The following KCNN2 variants were observed in gnomAD, a reference collection of about 807,000 sequenced individuals.
KCNN2 encodes potassium calcium-activated channel subfamily N member 2, also known as small conductance calcium-activated potassium channel protein 2.
A neutral mutation model predicts 55.5 loss-of-function variants in KCNN2; 24 were observed. That is an observed-to-expected ratio of 0.43 (90% CI 0.31 to 0.61). The LOEUF is 0.61. Ranked by LOEUF, KCNN2 falls within the 20% of genes least tolerant of loss-of-function variation. KCNN2 has a pLI of 0.08. For synonymous variants in KCNN2, 431 were observed against 336.1 expected, an observed-to-expected ratio of 1.28 and a Z score of -3.09; for missense variants, 754 against 853.6, an observed-to-expected ratio of 0.88 and a Z score of 1.45.
At chr5:114,168,153 T>A (rs981094250) in intron 1 of KCNN2, among the ~76,000 whole-genome samples, 9 of 130,020 alleles carry the variant, frequency 6.9e-5, no homozygotes, top group African/African-American at 2.3e-4. Flanking sequence ...AGATATATAA[T>A]CATATATATG....
chr5:114,098,228 C>A (rs147506408), intron 1 of KCNN2, among the ~76,000 whole-genome samples: 112 of 152,194 alleles, frequency 7.4e-4, no homozygotes, highest in South Asian at 1.7e-3. Flanking sequence ...TCTCAAGGTT[C>A]TTCACTTAAT....
chr5:114,106,973 C>G (rs566319425), intron 1 of KCNN2, among the ~76,000 whole-genome samples: 1 of 151,958 alleles, frequency 6.6e-6, no homozygotes, highest in Non-Finnish European at 1.5e-5. Flanking sequence ...AAGATATTCT[C>G]CTATTCAATC....
chr5:114,273,414 A>G (rs1036541323), intron 2 of KCNN2, among the ~76,000 whole-genome samples: 2 of 152,160 alleles, frequency 1.3e-5, no homozygotes, highest in African/African-American at 4.8e-5. Flanking sequence ...TGGTAATTCT[A>G]GTTCTAAATC....
intron 1 of KCNN2, among the ~76,000 whole-genome samples, chr5:114,138,527 T>A (rs920234458): frequency 6.6e-6 from 1 of 152,178 alleles, no homozygotes; most frequent in African/African-American, 2.4e-5. Context: ...ATCACAGATT[T>A]AGAAACCACT....
intron 2 of KCNN2, among the ~76,000 whole-genome samples, chr5:114,222,728 T>C (rs1324362008): frequency 1.3e-5 from 2 of 152,166 alleles, no homozygotes; most frequent in African/African-American, 4.8e-5. Flanking sequence ...GAGACATTAA[T>C]GTTAAAAGTT....
At chr5:114,244,701 C>T (rs1374514091) in intron 2 of KCNN2, among the ~76,000 whole-genome samples, 1 of 151,958 alleles carries the variant, frequency 6.6e-6, no homozygotes, top group East Asian at 1.9e-4. Context: ...AGACAGTAGT[C>T]CATCTGTGTT....
rs10658266 is a variant in KCNN2 at position 114,232,925 on chromosome 5, G to GTTTTTTTTTTTTTTTTTTT, written c.-185+11373_-185+11374insTTTTTTTTTTTTTTTTTTT. On this transcript the variant is annotated intron_variant, in intron 2 of 10. Transcript: ENST00000512097. Reference sequence around the variant, plus strand: ...GAGGTAATTTTTTATATTGTTTCTTGTTTTTTTTTTTTTGAGACGGAGTCT... The same window carrying GTTTTTTTTTTTTTTTTTTT: ...GAGGTAATTTTTTATATTGTTTCTTGTTTTTTTTTTTTTTTTTTTTTTTTTTTTTTTTGAGACGGAGTCT... Among the ~76,000 whole-genome samples, 59 of 76,274 alleles carry GTTTTTTTTTTTTTTTTTTT rather than the reference G, an allele frequency of 7.7e-4. 5 individuals carry two copies. Among genetic ancestry groups the GTTTTTTTTTTTTTTTTTTT allele is most frequent in the Non-Finnish European group, 1.1e-3 (46 of 40,818 alleles). The allele number at this position is 76,274 out of a possible 152,430, so 50.0% of individuals were successfully genotyped here.
rs76097025 is a variant in KCNN2, at chr5:114,207,817, C to T, written c.-270-13663C>T. Among the ~76,000 whole-genome samples, 421 of 152,284 alleles carry T rather than the reference C, an allele frequency of 2.8e-3. 3 individuals are homozygous for T. The highest frequency in any genetic ancestry group is 9.2e-3 in the African/African-American group (384 of 41,550). ...ACCTAGTACACCAAAGTTGTCCAGCCCTTTACATGCCGAGAGACATGTTGG... is the reference window on the plus strand; with the variant it reads ...ACCTAGTACACCAAAGTTGTCCAGCTCTTTACATGCCGAGAGACATGTTGG... On this transcript the variant is annotated intron_variant, in intron 1 of 10. Coordinates refer to the KCNN2 transcript ENST00000512097.
chr5:114,472,009 A>G (rs923164133), intron 4 of KCNN2, among the ~76,000 whole-genome samples: 1 of 151,990 alleles, frequency 6.6e-6, no homozygotes, highest in South Asian at 2.1e-4. Context: ...TGCCATTTAC[A>G]TTGTTATCTG....
intron 4 of KCNN2, 145 bp downstream of exon 4, chr5:114,463,335 G>T: frequency 1.7e-6 from 1 of 598,026 alleles, no homozygotes; most frequent in Middle Eastern, 4.6e-4. Flanking sequence ...TGTGTTGAGA[G>T]AGAATGTCAA....
At chr5:114,165,086 T>C (rs1040539073) in intron 1 of KCNN2, among the ~76,000 whole-genome samples, 3 of 152,208 alleles carry the variant, frequency 2.0e-5, no homozygotes, top group African/African-American at 7.2e-5. Context: ...TAGTCTGGCT[T>C]CAGGCTCTGT....
At chr5:114,118,383 C>T (rs913327933) in intron 1 of KCNN2, among the ~76,000 whole-genome samples, 1 of 152,092 alleles carries the variant, frequency 6.6e-6, no homozygotes, top group Non-Finnish European at 1.5e-5. Flanking sequence ...GAGGCCAAGA[C>T]GTCCTGCAAT....
chr5:114,251,000 A>T (rs941165642), intron 2 of KCNN2, among the ~76,000 whole-genome samples: 3 of 152,200 alleles, frequency 2.0e-5, no homozygotes, highest in Admixed American at 1.3e-4. Flanking sequence ...ACCAATATAT[A>T]AAAACAGAAT....
At chr5:114,433,025 G>C (rs935969959) in intron 3 of KCNN2, among the ~76,000 whole-genome samples, 2 of 152,114 alleles carry the variant, frequency 1.3e-5, no homozygotes, top group African/African-American at 2.4e-5. Flanking sequence ...CCTGCTCCAC[G>C]GTGCCCAGTC....
At chr5:114,284,510 A>G (rs971282052) in intron 2 of KCNN2, among the ~76,000 whole-genome samples, 1 of 152,216 alleles carries the variant, frequency 6.6e-6, no homozygotes, top group African/African-American at 2.4e-5. Context: ...GTAAAAGATC[A>G]TCTCCATTTT....
intron 1 of KCNN2, among the ~76,000 whole-genome samples, chr5:114,181,272 C>T (rs901132144): frequency 3.3e-5 from 5 of 152,136 alleles, no homozygotes; most frequent in Non-Finnish European, 5.9e-5. Flanking sequence ...TGTTTGTTCT[C>T]GTGAGTCTTT....
At chr5:114,221,606 AT>A (rs1196280080) in intron 2 of KCNN2, among the ~76,000 whole-genome samples, 7 of 152,218 alleles carry the variant, frequency 4.6e-5, no homozygotes, top group African/African-American at 1.7e-4. Context: ...TTTAGTTCTA[AT>A]ATAAATAAGT....
intron 5 of KCNN2, among the ~76,000 whole-genome samples, chr5:114,477,606 A>G (rs933474332): frequency 6.6e-6 from 1 of 152,198 alleles, no homozygotes; most frequent in African/African-American, 2.4e-5. Context: ...AGGACCAGCT[A>G]TTTAATAGAT....
rs183173462 is a variant in KCNN2 at position 114,447,914 on chromosome 5, A to G, written c.1638-15135A>G. 1.9e-3 allele frequency among the ~76,000 whole-genome samples: 292 copies of G among 152,346 alleles called. 1 individual carries two copies. The highest frequency in any genetic ancestry group is 3.4e-3 in the Middle Eastern group (1 of 294). The stretch of plus-strand genomic sequence containing the variant: ...AAAATACTAATATTTAAGAATAATG[A>G]AATATTGAATTGCCTTTTTCTTTTC... On this transcript the variant is annotated intron_variant, in intron 3 of 7. Transcript: ENST00000673685.
Sources: gnomAD v4.1 joint callset for allele counts (sites outside exome capture counted in the v4.1 genomes callset) on GRCh38, gnomAD v4.1.1 for gene constraint, MANE v1.5 for transcripts, NCBI Gene and HGNC (gene_info 2026-07-23, HGNC 2026-07-21) for gene names.